CPED1: variants seen among roughly 807,000 people sequenced by gnomAD.
CPED1 encodes the protein cadherin-like and PC-esterase domain-containing protein 1.
In CPED1, 114 loss-of-function variants were observed where a neutral mutation model predicts 128.2. The ratio of observed to expected loss-of-function variants is 0.89; its 90% CI spans 0.76 to 1.04. The LOEUF (loss-of-function observed/expected upper bound fraction) is 1.04, where lower values mean the gene tolerates loss of function less well. CPED1 is among the 50% of genes least tolerant of loss of function. CPED1 has a pLI of 0.00. For synonymous variants in CPED1, 462 were observed against 426.7 expected, an observed-to-expected ratio of 1.08 and a Z score of -1.02; for missense variants, 1,211 against 1,207.1, an observed-to-expected ratio of 1.00 and a Z score of -0.05.
chr7:121,055,442 A>C (rs541238458), intron 4 of CPED1, among the ~76,000 whole-genome samples: 33 of 151,996 alleles, frequency 2.2e-4, no homozygotes, highest in Non-Finnish European at 4.1e-4. Flanking sequence ...CATATCATTT[A>C]TTTCAAGCTT....
At chr7:121,170,736 T>C (rs947602523) in intron 16 of CPED1, among the ~76,000 whole-genome samples, 6 of 152,236 alleles carry the variant, frequency 3.9e-5, no homozygotes, top group African/African-American at 1.4e-4. Context: ...TAATAAGAAA[T>C]GAGTTTCTAT....
At chr7:121,150,964 C>T (rs941453625) in intron 16 of CPED1, among the ~76,000 whole-genome samples, 1 of 152,030 alleles carries the variant, frequency 6.6e-6, no homozygotes. Context: ...AGCTGGGATT[C>T]GCCATTTTGG....
At chr7:121,244,477 A>T in intron 18 of CPED1, 139 bp downstream of exon 18, 1 of 822,612 alleles carries the variant, frequency 1.2e-6, no homozygotes, top group Non-Finnish European at 1.9e-6. Flanking sequence ...GGCTTTTTGA[A>T]TCATGTATAG....
intron 16 of CPED1, among the ~76,000 whole-genome samples, chr7:121,145,264 C>A (rs992511283): frequency 6.6e-6 from 1 of 151,858 alleles, no homozygotes; most frequent in Admixed American, 6.6e-5. Context: ...TTGTATTGAT[C>A]AGAAACAAGT....
chr7:121,081,357 G>C (rs1794289584), intron 5 of CPED1, among the ~76,000 whole-genome samples: 1 of 152,064 alleles, frequency 6.6e-6, no homozygotes. Flanking sequence ...GAATAAATAG[G>C]GTAGCTTTGG....
intron 5 of CPED1, among the ~76,000 whole-genome samples, chr7:121,071,779 A>G (rs1162701480): frequency 6.6e-6 from 1 of 152,088 alleles, no homozygotes; most frequent in East Asian, 1.9e-4. Flanking sequence ...ATCTGTAAAG[A>G]TGGGCCTTTA....
rs1794804698 is a variant in CPED1 at position 121,099,940 on chromosome 7, T to C, written c.764T>C (p.Val255Ala). The change falls in exon 7 of 23, where the codon GTC (valine) becomes GCC (alanine). Residue 255 changes from valine (V) to alanine (A), a missense_variant. Physicochemically the swap from Val to Ala is moderately conservative, Grantham distance 64 (BLOSUM62 0). Transcript: ENST00000310396. ...TTTTTTTTTAGGAATGAAACGACAG[T>C]CCTTGCTCCACATGAAACAATCTTT... is the stretch of plus-strand genomic sequence containing the variant. ...WSREQLNETT[V>A]LAPHETIFRA... The C allele has an allele frequency of 6.2e-7, 1 of 1,612,508 alleles. No homozygotes were observed. The highest frequency in any genetic ancestry group is 8.5e-7 in the Non-Finnish European group (1 of 1,179,386).
rs146725107 is a variant in CPED1, at chr7:121,297,290, C to G, written c.*1638C>G. 6.6e-5 allele frequency: 10 copies of G among 152,002 alleles called. No homozygotes were observed. In the East Asian group the frequency reaches 7.7e-4, roughly 12 times the overall value. The allele number at this position is 152,002 out of a possible 1,614,324, so 9.4% of individuals were successfully genotyped here. A position where few individuals can be genotyped will look rare whatever the true frequency, so the allele number is the denominator to read the frequency against. On this transcript the variant is annotated 3_prime_UTR_variant, in exon 23 of 23. Coordinates refer to ENST00000310396, the MANE Select transcript of CPED1 (RefSeq NM_024913.5). ...TTTTAACATACTGTATACTCTATAGCAGTATTACAGTCAGTATTTCATATA... is the reference window on the plus strand; with the variant it reads ...TTTTAACATACTGTATACTCTATAGGAGTATTACAGTCAGTATTTCATATA...
intron 3 of CPED1, among the ~76,000 whole-genome samples, chr7:121,027,901 T>A (rs367954175): frequency 6.6e-6 from 1 of 152,178 alleles, no homozygotes; most frequent in East Asian, 1.9e-4. Context: ...TGTTTAACAT[T>A]CCACCTCCTT....
At chr7:121,125,997 G>A (rs1795494481) in intron 9 of CPED1, 105 bp downstream of exon 9, 1 of 815,628 alleles carries the variant, frequency 1.2e-6, no homozygotes, top group Non-Finnish European at 2.0e-6. Context: ...TCAATAAATA[G>A]CAATTTGCAA....
intron 2 of CPED1, among the ~76,000 whole-genome samples, chr7:120,998,542 C>T (rs1221017117): frequency 3.3e-5 from 5 of 152,092 alleles, no homozygotes; most frequent in Non-Finnish European, 7.4e-5. Context: ...CTTGAAGACT[C>T]CCTCCTCTCT....
intron 18 of CPED1, among the ~76,000 whole-genome samples, chr7:121,259,018 G>A (rs1202471763): frequency 6.6e-6 from 1 of 151,972 alleles, no homozygotes; most frequent in African/African-American, 2.4e-5. Context: ...AGAAAGTTAG[G>A]CCTTCAAATA....
chr7:121,113,396 A>G (rs1795160753), intron 7 of CPED1, among the ~76,000 whole-genome samples: 2 of 152,172 alleles, frequency 1.3e-5, no homozygotes, highest in African/African-American at 4.8e-5. Flanking sequence ...GACAGTGAAG[A>G]GTAGGAGAGA....
intron 3 of CPED1, among the ~76,000 whole-genome samples, chr7:121,029,438 T>C (rs1436816622): frequency 6.6e-6 from 1 of 152,166 alleles, no homozygotes; most frequent in East Asian, 1.9e-4. Flanking sequence ...AAATTCATAG[T>C]TGTAGTATAA....
chr7:121,214,236 C>T (rs1402795435), intron 16 of CPED1, among the ~76,000 whole-genome samples: 1 of 151,980 alleles, frequency 6.6e-6, no homozygotes, highest in Non-Finnish European at 1.5e-5. Context: ...TTCTCTGTGT[C>T]ATTAATAAAT....
intron 4 of CPED1, among the ~76,000 whole-genome samples, chr7:121,048,681 CAT>C (rs1246907927): frequency 1.3e-5 from 2 of 152,048 alleles, no homozygotes; most frequent in Non-Finnish European, 2.9e-5. Flanking sequence ...TGGGATTACA[CAT>C]GTGTACCACC....
intron 16 of CPED1, among the ~76,000 whole-genome samples, chr7:121,196,789 C>T (rs1004906813): frequency 6.6e-6 from 1 of 151,954 alleles, no homozygotes; most frequent in Non-Finnish European, 1.5e-5. Flanking sequence ...AATTTTAGAT[C>T]ACACTAAAGT....
At chr7:121,055,627 T>G (rs532948157) in intron 4 of CPED1, among the ~76,000 whole-genome samples, 8 of 150,762 alleles carry the variant, frequency 5.3e-5, no homozygotes, top group Non-Finnish European at 8.9e-5. Flanking sequence ...TAAAATATAA[T>G]TATACATTCA....
intron 7 of CPED1, among the ~76,000 whole-genome samples, chr7:121,114,429 A>G (rs994417564): frequency 1.3e-5 from 2 of 152,216 alleles, no homozygotes; most frequent in African/African-American, 4.8e-5. Flanking sequence ...TACCTTCATG[A>G]ACTGATGAAC....
Sources: gnomAD v4.1 joint callset for allele counts (sites outside exome capture counted in the v4.1 genomes callset) on GRCh38, gnomAD v4.1.1 for gene constraint, MANE v1.5 for transcripts, NCBI Gene and HGNC (gene_info 2026-07-23, HGNC 2026-07-21) for gene names.